PPM1E: variants seen among roughly 807,000 people sequenced by gnomAD.
PPM1E encodes the protein protein phosphatase 1E.
A neutral mutation model predicts 65.9 loss-of-function variants in PPM1E; 20 were observed. The ratio of observed to expected loss-of-function variants is 0.30; its 90% CI spans 0.21 to 0.44. The LOEUF is 0.44. Ranked by LOEUF, PPM1E falls within the 20% of genes least tolerant of loss-of-function variation. The pLI, the probability that PPM1E is intolerant of heterozygous loss-of-function variation, is 1.00. For synonymous variants in PPM1E, 352 were observed against 374.9 expected, an observed-to-expected ratio of 0.94 and a Z score of 0.70; for missense variants, 713 against 953.1, an observed-to-expected ratio of 0.75 and a Z score of 3.32.
At chr17:58,966,418 TAAAA>T (rs55779609) in intron 3 of PPM1E, 626 of 122,148 alleles carry the variant, frequency 5.1e-3, no homozygotes, top group South Asian at 0.011. Flanking sequence ...AGCAGTTTTG[TAAAA>T]AAAAAAAAAA....
At chr17:58,882,987 T>G (rs2051217862) in intron 1 of PPM1E, among the ~76,000 whole-genome samples, 1 of 143,796 alleles carries the variant, frequency 7.0e-6, no homozygotes, top group Non-Finnish European at 1.5e-5. Context: ...GGAGTTTTGC[T>G]CTTGTCACCC....
chr17:58,907,394 GTT>G (rs3059836), intron 1 of PPM1E, among the ~76,000 whole-genome samples: 56,567 of 151,786 alleles, frequency 0.37, 10,699 homozygotes, highest in Middle Eastern at 0.51. Flanking sequence ...CTTAATGCAT[GTT>G]TTATGGCCCA....
At chr17:58,979,901 A>G (rs1031846553) in intron 6 of PPM1E, 73 bp from the exon 7 acceptor site, 3 of 1,184,606 alleles carry the variant, frequency 2.5e-6, no homozygotes, top group Non-Finnish European at 3.6e-6. Context: ...GAGTCATGGC[A>G]TTGGTCATAA....
intron 1 of PPM1E, among the ~76,000 whole-genome samples, chr17:58,807,616 A>G (rs1023492441): frequency 7.9e-5 from 12 of 152,110 alleles, no homozygotes; most frequent in Non-Finnish European, 4.4e-5. Flanking sequence ...AAGGCAATGT[A>G]AAAAAATACA....
Position 58,980,875 on chromosome 17 carries a change from G to A in PPM1E, c.2112G>A (p.Leu704=). The change falls in exon 7 of 7, where the codon CTG becomes CTA. Residue 704 remains leucine, a synonymous_variant. Coordinates refer to ENST00000308249, the MANE Select transcript of PPM1E (RefSeq NM_014906.5). The surrounding 1 kb of genome is among the most constrained non-coding windows in gnomAD (Gnocchi z 4.7). ...CTTCCCACAAAATAGGCACTAGCCT[G>A]TCCTCACTTACTGGAAGTGGGAAGA... The part of the protein sequence containing the change: ...QEPSHKIGTS[L]SSLTGSGKRN... The A allele has an allele frequency of 6.2e-7, 1 of 1,614,228 alleles. No homozygotes were observed. The highest frequency in any genetic ancestry group is 8.5e-7 in the Non-Finnish European group (1 of 1,180,024).
chr17:58,963,698 G>A (rs924252360), intron 2 of PPM1E, among the ~76,000 whole-genome samples: 2 of 152,004 alleles, frequency 1.3e-5, no homozygotes, highest in African/African-American at 4.8e-5. Context: ...GATGGAGCAA[G>A]CCTCCATCTC....
At chr17:58,855,186 A>C (rs1460180191) in intron 1 of PPM1E, among the ~76,000 whole-genome samples, 1 of 152,144 alleles carries the variant, frequency 6.6e-6, no homozygotes, top group Non-Finnish European at 1.5e-5. Context: ...ACCATGTGGA[A>C]CTACACCAGA....
chr17:58,877,629 G>T (rs1261718752), intron 1 of PPM1E, among the ~76,000 whole-genome samples: 6 of 152,116 alleles, frequency 3.9e-5, no homozygotes, highest in Admixed American at 3.9e-4. Context: ...AAGTAGTGAG[G>T]AATAAAGATT....
At chr17:58,926,306 T>G (rs920053512) in intron 1 of PPM1E, among the ~76,000 whole-genome samples, 16 of 150,680 alleles carry the variant, frequency 1.1e-4, no homozygotes, top group Admixed American at 5.3e-4. Flanking sequence ...CACTCTAGCC[T>G]GGGTGACAGA....
At chr17:58,848,126 AT>A (rs1253751941) in intron 1 of PPM1E, among the ~76,000 whole-genome samples, 1 of 152,162 alleles carries the variant, frequency 6.6e-6, no homozygotes. Flanking sequence ...TTGATTTTGT[AT>A]CCTGAGACTT....
chr17:58,880,933 T>C (rs1305081017), intron 1 of PPM1E, among the ~76,000 whole-genome samples: 1 of 152,194 alleles, frequency 6.6e-6, no homozygotes, highest in East Asian at 1.9e-4. Context: ...ATCAATAATA[T>C]ATATAAACAA....
chr17:58,966,182 T>G (rs749183246), intron 3 of PPM1E: 13 of 442,664 alleles, frequency 2.9e-5, no homozygotes. Flanking sequence ...GTCTTTTGTG[T>G]CACCTTCCAG....
chr17:58,917,406 A>G (rs2051697099), intron 1 of PPM1E, among the ~76,000 whole-genome samples: 1 of 152,138 alleles, frequency 6.6e-6, no homozygotes, highest in Non-Finnish European at 1.5e-5. Context: ...TGTAGCATAC[A>G]TTCTCCTATT....
chr17:58,845,835 C>A (rs1252638556), intron 1 of PPM1E, among the ~76,000 whole-genome samples: 2 of 152,168 alleles, frequency 1.3e-5, no homozygotes, highest in Non-Finnish European at 1.5e-5. Flanking sequence ...CGTGCGCCAT[C>A]ACACCCAGCT....
In PPM1E at chr17:58,756,127, G is replaced by GAACCCA. The variant is rs2144115402; in HGVS notation, c.131_132insACCCAA (p.Glu44_Ser45insProLys). 6.2e-7 allele frequency: 1 copy of GAACCCA among 1,608,844 alleles called. No individual in the cohort carries two copies. Among genetic ancestry groups the GAACCCA allele is most frequent in the Non-Finnish European group, 8.5e-7 (1 of 1,177,664 alleles). ...CGAACCCGAACCCGAACCCGAACCC[G>GAACCCA]AGTCCGAGCCCGAGCCCGAACCTGA... On this transcript the variant is annotated inframe_insertion, in exon 1 of 7. Coordinates refer to ENST00000308249, the MANE Select transcript of PPM1E (RefSeq NM_014906.5).
At chr17:58,948,260 C>A (rs945773868) in intron 1 of PPM1E, among the ~76,000 whole-genome samples, 1 of 152,060 alleles carries the variant, frequency 6.6e-6, no homozygotes, top group Non-Finnish European at 1.5e-5. Context: ...AATGCTGTTG[C>A]GGCCTTTTTA....
intron 1 of PPM1E, among the ~76,000 whole-genome samples, chr17:58,918,243 G>T (rs1385202537): frequency 3.9e-5 from 6 of 152,168 alleles, no homozygotes; most frequent in Non-Finnish European, 1.5e-5. Context: ...TTCTGAAGCT[G>T]CCAACTGTAT....
At chr17:58,809,584 A>AT (rs1567839931) in intron 1 of PPM1E, among the ~76,000 whole-genome samples, 1 of 151,970 alleles carries the variant, frequency 6.6e-6, no homozygotes, top group Non-Finnish European at 1.5e-5. Context: ...GGGTCTTACT[A>AT]TGTTTCCCAG....
At chr17:58,933,870 G>T (rs2051939332) in intron 1 of PPM1E, among the ~76,000 whole-genome samples, 1 of 151,872 alleles carries the variant, frequency 6.6e-6, no homozygotes, top group Non-Finnish European at 1.5e-5. Context: ...GCCAAGGCGG[G>T]TGGATCATGA....
Sources: allele counts gnomAD v4.1 joint callset (sites outside exome capture counted in the v4.1 genomes callset), GRCh38; gene constraint gnomAD v4.1.1; non-coding constraint Gnocchi (gnomAD v3.1); transcripts MANE v1.5; gene names NCBI Gene and HGNC (gene_info 2026-07-23, HGNC 2026-07-21).